The following GMDS variants were observed in gnomAD, a reference collection of about 807,000 sequenced individuals.
GMDS encodes the protein GDP-mannose 4,6-dehydratase, also known as GDP-mannose 4,6 dehydratase.
GMDS carries 20 observed loss-of-function variants against 49.9 expected under a neutral mutation model. That is an observed-to-expected ratio of 0.40 (90% CI 0.28 to 0.58). The LOEUF is 0.58. Among genes scored for constraint, GMDS ranks in the 20% least tolerant of loss-of-function variants. GMDS has a pLI of 0.42. For missense variants in GMDS, 362 were observed against 481.4 expected (o/e 0.75, Z 2.32); for synonymous variants, 177 against 178.6 (o/e 0.99, Z 0.07).
At chr6:1,913,831 G>A (rs894010681) in intron 7 of GMDS, among the ~76,000 whole-genome samples, 1 of 152,082 alleles carries the variant, frequency 6.6e-6, no homozygotes, top group African/African-American at 2.4e-5. Context: ...AACCAAAAAA[G>A]TACTAATAGG....
chr6:1,850,569 A>T (rs1757618286), intron 7 of GMDS, among the ~76,000 whole-genome samples: 1 of 152,214 alleles, frequency 6.6e-6, no homozygotes, highest in South Asian at 2.1e-4. Context: ...AATTGGGTGG[A>T]AACAAAGAAA....
chr6:2,239,853 T>C (rs948799213), intron 1 of GMDS, among the ~76,000 whole-genome samples: 2 of 151,982 alleles, frequency 1.3e-5, no homozygotes, highest in African/African-American at 4.8e-5. Context: ...GCCCAGCTAA[T>C]TTTTTTGTAT....
intron 1 of GMDS, among the ~76,000 whole-genome samples, chr6:2,230,948 C>CT (rs1159604821): frequency 2.1e-5 from 2 of 93,972 alleles, no homozygotes; most frequent in African/African-American, 8.4e-5. Context: ...CCCACCCCCC[C>CT]CCCCCGTTCC....
chr6:1,899,015 G>A (rs944864336), intron 7 of GMDS, among the ~76,000 whole-genome samples: 5 of 152,150 alleles, frequency 3.3e-5, no homozygotes, highest in African/African-American at 7.2e-5. Flanking sequence ...ATGAGCTTTC[G>A]CCTGCCTTAT....
chr6:2,128,066 A>G (rs960228801), intron 1 of GMDS, among the ~76,000 whole-genome samples: 1 of 152,212 alleles, frequency 6.6e-6, no homozygotes, highest in Non-Finnish European at 1.5e-5. Context: ...TGACCCTTTT[A>G]AGTTTAATTT....
At chr6:1,880,588 T>C (rs774414473) in intron 7 of GMDS, among the ~76,000 whole-genome samples, 73 of 152,230 alleles carry the variant, frequency 4.8e-4, no homozygotes, top group Non-Finnish European at 8.8e-4. Flanking sequence ...CTTTGGTTCC[T>C]AGCCATTGTG....
At chr6:2,067,868 C>T (rs1367579225) in intron 4 of GMDS, among the ~76,000 whole-genome samples, 1 of 151,750 alleles carries the variant, frequency 6.6e-6, no homozygotes, top group African/African-American at 2.4e-5. Context: ...CCTTCTGAAA[C>T]TATTTCAATC....
chr6:2,147,330 A>G (rs1288970495), intron 1 of GMDS, among the ~76,000 whole-genome samples: 1 of 152,166 alleles, frequency 6.6e-6, no homozygotes, highest in Non-Finnish European at 1.5e-5. Context: ...CTCTGCCAAG[A>G]GTAGAAAACC....
chr6:2,175,593 C>T (rs1295283246), intron 1 of GMDS, among the ~76,000 whole-genome samples: 2 of 152,126 alleles, frequency 1.3e-5, no homozygotes, highest in Non-Finnish European at 2.9e-5. Context: ...CAATGAATTG[C>T]CCCTCTCCAA....
At chr6:1,655,123 G>C (rs1331637010) in intron 9 of GMDS, among the ~76,000 whole-genome samples, 1 of 150,104 alleles carries the variant, frequency 6.7e-6, no homozygotes, top group Non-Finnish European at 1.5e-5. Flanking sequence ...TCACTATACT[G>C]AATCACTAAC....
intron 1 of GMDS, among the ~76,000 whole-genome samples, chr6:2,141,615 G>C (rs1248633169): frequency 6.6e-6 from 1 of 152,162 alleles, no homozygotes; most frequent in Admixed American, 6.5e-5. Flanking sequence ...GATGAAGAGG[G>C]GAGGGGAAGA....
chr6:1,893,364 G>A (rs1040117155), intron 7 of GMDS, among the ~76,000 whole-genome samples: 8 of 151,810 alleles, frequency 5.3e-5, no homozygotes, highest in Admixed American at 1.3e-4. Context: ...CAGCTAACTT[G>A]TATTTTTAGT....
intron 7 of GMDS, among the ~76,000 whole-genome samples, chr6:1,805,657 G>T (rs1400921388): frequency 6.6e-6 from 1 of 152,088 alleles, no homozygotes; most frequent in Non-Finnish European, 1.5e-5. Context: ...TTTAAATTTT[G>T]AAACAATGCC....
chr6:1,928,039 G>T (rs1164289057), intron 7 of GMDS, among the ~76,000 whole-genome samples: 1 of 152,058 alleles, frequency 6.6e-6, no homozygotes, highest in Non-Finnish European at 1.5e-5. Context: ...AATCGATTTG[G>T]TTCCTTGAAC....
chr6:1,874,978 AAATT>A (rs1375426679), intron 7 of GMDS, among the ~76,000 whole-genome samples: 1 of 152,254 alleles, frequency 6.6e-6, no homozygotes, highest in East Asian at 1.9e-4. Context: ...GCTATTCAGT[AAATT>A]AAACATTTAA....
At chr6:2,193,941 T>C (rs917545585) in intron 1 of GMDS, among the ~76,000 whole-genome samples, 1 of 151,888 alleles carries the variant, frequency 6.6e-6, no homozygotes, top group Admixed American at 6.6e-5. Context: ...GCCAGGATGG[T>C]CTCCATCTCC....
At chr6:1,815,280 T>TA in intron 7 of GMDS, among the ~76,000 whole-genome samples, 1 of 152,310 alleles carries the variant, frequency 6.6e-6, no homozygotes, top group South Asian at 2.1e-4. Context: ...GCCATATAAG[T>TA]AAAAAATTTA....
At chr6:1,645,919 G>A (rs939570483) in intron 9 of GMDS, among the ~76,000 whole-genome samples, 3 of 152,094 alleles carry the variant, frequency 2.0e-5, no homozygotes, top group East Asian at 1.9e-4. Flanking sequence ...CTACCCTGTC[G>A]TCTGCCTCCC....
At chr6:2,196,943 A>G (rs1011505649) in intron 1 of GMDS, among the ~76,000 whole-genome samples, 10 of 152,146 alleles carry the variant, frequency 6.6e-5, no homozygotes, top group Admixed American at 3.3e-4. Flanking sequence ...GGTGGTGATG[A>G]CTTGATTCTA....
Sources: gnomAD v4.1 joint callset for allele counts (sites outside exome capture counted in the v4.1 genomes callset) on GRCh38, gnomAD v4.1.1 for gene constraint, MANE v1.5 for transcripts, NCBI Gene and HGNC (gene_info 2026-07-23, HGNC 2026-07-21) for gene names.